Variants in ZNF385D observed in about 807,000 individuals in gnomAD.
ZNF385D encodes zinc finger protein 659.
Under a neutral mutation model 35.8 loss-of-function variants are expected in ZNF385D, and 15 were observed. The observed-to-expected ratio is 0.42, with a 90% CI of 0.28 to 0.64. ZNF385D has a LOEUF of 0.64. ZNF385D is among the 30% of genes least tolerant of loss of function. The pLI, the probability that ZNF385D is intolerant of heterozygous loss-of-function variation, is 0.23. For missense variants in ZNF385D, 474 were observed against 494.6 expected, an observed-to-expected ratio of 0.96 and a Z score of 0.39; for synonymous variants, 212 against 186.8, an observed-to-expected ratio of 1.13 and a Z score of -1.10.
chr3:21,534,507 T>C (rs969726755), intron 3 of ZNF385D, among the ~76,000 whole-genome samples: 2 of 152,068 alleles, frequency 1.3e-5, no homozygotes, highest in Non-Finnish European at 2.9e-5. Context: ...ACTTCCAAGC[T>C]GACCGGAAAA....
At chr3:21,938,893 T>C (rs1480053540) in intron 3 of ZNF385D, among the ~76,000 whole-genome samples, 20 of 152,232 alleles carry the variant, frequency 1.3e-4, no homozygotes, top group Admixed American at 1.3e-3. Context: ...CTTTGCAATT[T>C]AGTATATAAG....
At chr3:21,886,129 T>C (rs1226051746) in intron 3 of ZNF385D, among the ~76,000 whole-genome samples, 2 of 152,162 alleles carry the variant, frequency 1.3e-5, no homozygotes, top group Non-Finnish European at 2.9e-5. Flanking sequence ...TAATTTTTCT[T>C]ACAGTATCAG....
At chr3:22,328,717 G>A (rs1208329235) in intron 2 of ZNF385D, among the ~76,000 whole-genome samples, 1 of 150,912 alleles carries the variant, frequency 6.6e-6, no homozygotes, top group East Asian at 2.0e-4. Context: ...GAGCCAGATT[G>A]CACCACTGCA....
intron 3 of ZNF385D, among the ~76,000 whole-genome samples, chr3:21,860,051 T>C (rs1696963510): frequency 6.6e-6 from 1 of 152,106 alleles, no homozygotes; most frequent in African/African-American, 2.4e-5. Context: ...CTAGAATTTT[T>C]CACTAAATCA....
intron 2 of ZNF385D, among the ~76,000 whole-genome samples, chr3:21,600,720 G>C (rs997274399): frequency 6.6e-6 from 1 of 152,002 alleles, no homozygotes; most frequent in African/African-American, 2.4e-5. Flanking sequence ...GAAACGAGCA[G>C]TGCAGGTAAC....
At chr3:21,476,453 A>T (rs186594197) in intron 4 of ZNF385D, among the ~76,000 whole-genome samples, 74 of 152,056 alleles carry the variant, frequency 4.9e-4, no homozygotes, top group Middle Eastern at 3.4e-3. Context: ...ACAAATTAGA[A>T]TTTTTTTGAT....
At chr3:21,847,781 G>C (rs914806636) in intron 3 of ZNF385D, among the ~76,000 whole-genome samples, 1 of 151,896 alleles carries the variant, frequency 6.6e-6, no homozygotes, top group Non-Finnish European at 1.5e-5. Context: ...TTTGCAATCA[G>C]TATTCTCTCA....
intron 3 of ZNF385D, among the ~76,000 whole-genome samples, chr3:21,561,506 C>T (rs767754278): frequency 6.6e-6 from 1 of 152,186 alleles, no homozygotes; most frequent in East Asian, 1.9e-4. Context: ...ATGAGATGAA[C>T]TGGGTACCTC....
chr3:21,796,949 C>G (rs949263364), intron 3 of ZNF385D, among the ~76,000 whole-genome samples: 3 of 152,198 alleles, frequency 2.0e-5, no homozygotes, highest in African/African-American at 7.2e-5. Flanking sequence ...CCATACTTAG[C>G]TCAGCTGAGT....
chr3:21,829,188 A>T (rs1403894464), intron 3 of ZNF385D, among the ~76,000 whole-genome samples: 6 of 152,230 alleles, frequency 3.9e-5, no homozygotes, highest in Non-Finnish European at 7.3e-5. Flanking sequence ...AAACAAATTA[A>T]TTGTATAATT....
At chr3:21,772,852 A>T (rs755677266) in intron 3 of ZNF385D, among the ~76,000 whole-genome samples, 12 of 151,954 alleles carry the variant, frequency 7.9e-5, no homozygotes, top group Non-Finnish European at 1.6e-4. Flanking sequence ...TAGCATACAT[A>T]TGCACAATGG....
intron 2 of ZNF385D, among the ~76,000 whole-genome samples, chr3:22,349,701 A>G (rs1239879578): frequency 6.6e-6 from 1 of 152,234 alleles, no homozygotes; most frequent in Non-Finnish European, 1.5e-5. Flanking sequence ...GCACTGGACC[A>G]TAAATCAACA....
At chr3:21,821,337 G>A (rs570196560) in intron 3 of ZNF385D, among the ~76,000 whole-genome samples, 3 of 152,154 alleles carry the variant, frequency 2.0e-5, no homozygotes, top group South Asian at 2.1e-4. Flanking sequence ...GAAAATATGC[G>A]TGATTATCCT....
At chr3:22,162,579 C>T (rs1015996813) in intron 3 of ZNF385D, among the ~76,000 whole-genome samples, 7 of 152,138 alleles carry the variant, frequency 4.6e-5, no homozygotes, top group African/African-American at 7.2e-5. Flanking sequence ...ACAGCCCTAC[C>T]TGCCATGCTT....
intron 3 of ZNF385D, among the ~76,000 whole-genome samples, chr3:21,520,748 AT>A: frequency 6.6e-6 from 1 of 152,340 alleles, no homozygotes; most frequent in Admixed American, 6.5e-5. Flanking sequence ...ACAATGAATA[AT>A]TCCAGTGATG....
At chr3:22,041,028 C>T (rs1021555956) in intron 3 of ZNF385D, among the ~76,000 whole-genome samples, 3 of 151,756 alleles carry the variant, frequency 2.0e-5, no homozygotes, top group African/African-American at 7.3e-5. Flanking sequence ...AACTATATAA[C>T]CTAAAGGACA....
intron 2 of ZNF385D, among the ~76,000 whole-genome samples, chr3:22,253,846 A>G (rs1422096204): frequency 2.7e-5 from 4 of 149,356 alleles, no homozygotes; most frequent in African/African-American, 9.8e-5. Context: ...AAACAAACAA[A>G]ACATGACAAG....
intron 3 of ZNF385D, among the ~76,000 whole-genome samples, chr3:21,991,651 A>C (rs932767096): frequency 6.6e-6 from 1 of 152,208 alleles, no homozygotes; most frequent in Non-Finnish European, 1.5e-5. Flanking sequence ...GCACGTCTTC[A>C]ACAGTAAATA....
chr3:22,062,192 C>G (rs1699724312), intron 3 of ZNF385D, among the ~76,000 whole-genome samples: 1 of 152,088 alleles, frequency 6.6e-6, no homozygotes, highest in African/African-American at 2.4e-5. Flanking sequence ...GGACTACAGG[C>G]AAGTGCCACC....
Sources: gnomAD v4.1 joint callset for allele counts (sites outside exome capture counted in the v4.1 genomes callset) on GRCh38, gnomAD v4.1.1 for gene constraint, MANE v1.5 for transcripts, NCBI Gene and HGNC (gene_info 2026-07-23, HGNC 2026-07-21) for gene names.